The following EXOC4 variants were observed in gnomAD, a reference collection of about 807,000 sequenced individuals.
EXOC4 encodes SEC8-like 1.
Under a neutral mutation model 107.2 loss-of-function variants are expected in EXOC4, and 71 were observed. The ratio of observed to expected loss-of-function variants is 0.66; its 90% confidence interval spans 0.55 to 0.81. The LOEUF is 0.81. EXOC4 is among the 30% of genes least tolerant of loss of function. The pLI is 0.00. For synonymous variants in EXOC4, 456 were observed against 441.2 expected, an observed-to-expected ratio of 1.03 and a Z score of -0.42; for missense variants, 1,108 against 1,189.6, an observed-to-expected ratio of 0.93 and a Z score of 1.01.
intron 10 of EXOC4, among the ~76,000 whole-genome samples, chr7:133,735,775 C>A (rs922502566): frequency 6.6e-6 from 1 of 152,100 alleles, no homozygotes; most frequent in African/African-American, 2.4e-5. Flanking sequence ...CCCAATCCAG[C>A]CCTCTATTAC....
intron 10 of EXOC4, among the ~76,000 whole-genome samples, chr7:133,710,296 G>A (rs1022447666): frequency 6.6e-6 from 1 of 152,116 alleles, no homozygotes; most frequent in Admixed American, 6.5e-5. Context: ...TGCATCCTTA[G>A]TGGCTCAGTT....
At chr7:134,069,355 C>T (rs964408641), downstream of EXOC4, among the ~76,000 whole-genome samples, 1 of 144,874 alleles carries the variant, frequency 6.9e-6, no homozygotes, top group East Asian at 2.1e-4. Flanking sequence ...CCTCCTTCTC[C>T]TTCTTCCTCC....
intron 9 of EXOC4, among the ~76,000 whole-genome samples, chr7:133,499,753 C>T (rs1053486277): frequency 6.6e-6 from 1 of 152,038 alleles, no homozygotes; most frequent in Non-Finnish European, 1.5e-5. Flanking sequence ...TGATAGGGTT[C>T]TCCTGAGATT....
chr7:133,549,824 AG>A (rs1800552498), intron 9 of EXOC4, among the ~76,000 whole-genome samples: 1 of 152,248 alleles, frequency 6.6e-6, no homozygotes, highest in African/African-American at 2.4e-5. Flanking sequence ...CTTTAAGCCT[AG>A]ATTTCCATTA....
chr7:133,462,053 G>A (rs900681036), intron 7 of EXOC4, among the ~76,000 whole-genome samples: 3 of 152,108 alleles, frequency 2.0e-5, no homozygotes, highest in African/African-American at 7.2e-5. Context: ...TCAGTATATA[G>A]ACATGTATAA....
rs375998103 is a variant in EXOC4, at chr7:133,500,380, C to G, written c.1417+20242C>G. On this transcript the variant is annotated intron_variant, in intron 9 of 17. Coordinates refer to ENST00000253861, the MANE Select transcript of EXOC4 (RefSeq NM_021807.4). ...TTACAACTTCTATAATTTGATATAACTGGAATCATACAATAGACAATTTTG... is the reference window on the plus strand; with the variant it reads ...TTACAACTTCTATAATTTGATATAAGTGGAATCATACAATAGACAATTTTG... 5.9e-5 allele frequency among the ~76,000 whole-genome samples: 9 copies of G among 152,290 alleles called. No individual in the cohort carries two copies. The East Asian group carries it at 1.7e-3, about 29-fold the overall frequency.
At chr7:133,515,475 G>A (rs1799855908) in intron 9 of EXOC4, among the ~76,000 whole-genome samples, 1 of 152,008 alleles carries the variant, frequency 6.6e-6, no homozygotes, top group South Asian at 2.1e-4. Context: ...TATAGTGAGA[G>A]AGAAAGAGAG....
chr7:133,864,294 T>C (rs958572108), intron 11 of EXOC4, among the ~76,000 whole-genome samples: 4 of 152,168 alleles, frequency 2.6e-5, no homozygotes. Context: ...ATTTCTTCTA[T>C]TTGGTAGAGA....
chr7:133,433,617 G>T (rs1040570553), intron 7 of EXOC4, among the ~76,000 whole-genome samples: 17 of 152,320 alleles, frequency 1.1e-4, no homozygotes, highest in African/African-American at 4.1e-4. Context: ...TTGTTACTCA[G>T]TATTGTGGCG....
chr7:133,558,842 A>C (rs1327301968), intron 9 of EXOC4, among the ~76,000 whole-genome samples: 1 of 152,212 alleles, frequency 6.6e-6, no homozygotes, highest in Non-Finnish European at 1.5e-5. Context: ...GAGAAGCCTA[A>C]GGGGCAGAAG....
intron 14 of EXOC4, among the ~76,000 whole-genome samples, chr7:133,944,060 C>T (rs1800494211): frequency 1.3e-5 from 2 of 152,138 alleles, no homozygotes; most frequent in Non-Finnish European, 2.9e-5. Context: ...TTATCTCTCT[C>T]ATCCAGTTCC....
At chr7:133,775,587 A>C (rs1330029556) in intron 10 of EXOC4, among the ~76,000 whole-genome samples, 2 of 152,222 alleles carry the variant, frequency 1.3e-5, no homozygotes, top group African/African-American at 4.8e-5. Flanking sequence ...TACTAAGGCT[A>C]TCTGGGATGT....
chr7:133,303,396 T>C (rs1340025416), intron 3 of EXOC4, among the ~76,000 whole-genome samples: 1 of 152,198 alleles, frequency 6.6e-6, no homozygotes, highest in Non-Finnish European at 1.5e-5. Context: ...ATTGTGCCAT[T>C]GCACTCTAGC....
chr7:133,457,443 A>G (rs140280892), intron 7 of EXOC4, among the ~76,000 whole-genome samples: 173 of 152,266 alleles, frequency 1.1e-3, no homozygotes, highest in African/African-American at 4.1e-3. Flanking sequence ...TTGATCTTGA[A>G]AGGGCACCAG....
At chr7:133,607,187 A>G (rs1011082103) in intron 9 of EXOC4, among the ~76,000 whole-genome samples, 9 of 152,214 alleles carry the variant, frequency 5.9e-5, no homozygotes, top group African/African-American at 1.4e-4. Flanking sequence ...GGCTCCTGCC[A>G]TACGGCCCTG....
intron 10 of EXOC4, among the ~76,000 whole-genome samples, chr7:133,793,846 C>CA (rs1380088742): frequency 2.9e-4 from 14 of 48,278 alleles, no homozygotes; most frequent in South Asian, 1.2e-3. Flanking sequence ...CTGTCACACA[C>CA]ACAAAAAATA....
At chr7:133,360,263 A>G (rs1796107931) in intron 6 of EXOC4, among the ~76,000 whole-genome samples, 1 of 152,246 alleles carries the variant, frequency 6.6e-6, no homozygotes, top group Admixed American at 6.5e-5. Context: ...AACAAATAAG[A>G]AAAGCATAAG....
At chr7:133,978,964 A>G (rs903588523) in intron 14 of EXOC4, among the ~76,000 whole-genome samples, 1 of 152,226 alleles carries the variant, frequency 6.6e-6, no homozygotes, top group African/African-American at 2.4e-5. Flanking sequence ...GCACAAGGGT[A>G]TGTTCCCATT....
chr7:133,734,818 C>T (rs1006377850), intron 10 of EXOC4, among the ~76,000 whole-genome samples: 10 of 151,814 alleles, frequency 6.6e-5, no homozygotes, highest in African/African-American at 1.9e-4. Flanking sequence ...TGATCCCAAG[C>T]GTTTTGGATA....
Sources: allele counts gnomAD v4.1 joint callset (sites outside exome capture counted in the v4.1 genomes callset), GRCh38; gene constraint gnomAD v4.1.1; transcripts MANE v1.5; gene names NCBI Gene and HGNC (gene_info 2026-07-23, HGNC 2026-07-21).